The following RBM12B variants were observed in gnomAD, a reference collection of about 807,000 sequenced individuals.
The protein encoded by RBM12B is RNA binding motif protein 12B.
A neutral mutation model predicts 34.3 loss-of-function variants in RBM12B; 10 were observed. The ratio of observed to expected loss-of-function variants is 0.29; its 90% CI spans 0.18 to 0.49. The LOEUF (loss-of-function observed/expected upper bound fraction) is 0.49, where lower values mean the gene tolerates loss of function less well. Ranked by LOEUF, RBM12B falls within the 20% of genes least tolerant of loss-of-function variation. The probability of loss-of-function intolerance (pLI) is 0.99; values close to 1 mark genes in which losing one functional copy is unlikely to be tolerated. For missense variants in RBM12B, 1,139 were observed against 1,262.7 expected, an observed-to-expected ratio of 0.90 and a Z score of 1.48; for synonymous variants, 477 against 437.1, an observed-to-expected ratio of 1.09 and a Z score of -1.14.
In RBM12B at chr8:93,733,369, G is replaced by A. The variant is rs143130949; in HGVS notation, c.*36C>T. 2 of 1,488,756 alleles carry A rather than the reference G, an allele frequency of 1.3e-6. No individual in the cohort carries two copies. Among genetic ancestry groups the A allele is most frequent in the African/African-American group, 1.4e-5 (1 of 71,218 alleles). 92.2% of individuals were successfully genotyped at this position (1,488,756 alleles called of 1,614,324 possible). On this transcript the variant is annotated 3_prime_UTR_variant, in exon 4 of 4. Transcript: ENST00000520560. ...AAATGTATTTTACTCCATCAATACT[G>A]CAAGGAAGATAACTGAATTTAGAAA...
chr8:93,736,106 C>A lies in RBM12B; in HGVS notation c.305G>T (p.Gly102Val), dbSNP rs752432118. 1 of 1,614,152 alleles carries A rather than the reference C, an allele frequency of 6.2e-7. No homozygotes were observed. Among genetic ancestry groups the A allele is most frequent in the Non-Finnish European group, 8.5e-7 (1 of 1,180,014 alleles). Reference protein sequence around the residue: ...GRGRPGSGTSGVDSLSNFIES... With the variant: ...GRGRPGSGTSVVDSLSNFIES... ...AATAAAATTAGACAGGCTGTCAACC[C>A]CTGATGTCCCAGATCCTGGACGCCC... Residue 102 changes from glycine (G) to valine (V), a missense_variant, in exon 4 of 4, where the codon GGG becomes GTG. Around this residue, in one of 3 missense-constraint regions of RBM12B, gnomAD observed 216 missense variants for 292.2 expected, o/e 0.74. Transcript: ENST00000520560.
chr8:93,730,389 T>C lies in RBM12B; in HGVS notation c.*3016A>G, dbSNP rs901661788. 1 of 152,214 alleles carries C rather than the reference T, an allele frequency of 6.6e-6. No individual in the cohort carries two copies. The highest frequency in any genetic ancestry group is 2.4e-5 in the African/African-American group (1 of 41,454). 9.4% of individuals were successfully genotyped at this position (152,214 alleles called of 1,614,324 possible). On this transcript the variant is annotated 3_prime_UTR_variant, in exon 4 of 4. Coordinates refer to ENST00000520560, the MANE Select transcript of RBM12B (RefSeq NM_001377960.1). ...TGGGATTGACTTTCTAGACATGATC[T>C]ACATTTTTTTAGATAATTTCTAGAC...
chr8:93,733,775 A>C lies in RBM12B; in HGVS notation c.2636T>G (p.Phe879Cys), dbSNP rs749438737. The C allele has an allele frequency of 1.2e-6, 2 of 1,614,046 alleles. No individual in the cohort carries two copies. The highest frequency in any genetic ancestry group is 2.7e-5 in the African/African-American group (2 of 74,920). ...GEDFRSPPDD[F>C]RSHRPFVNFG... Reference sequence around the variant, plus strand: ...ATTCACAAAAGGGCGGTGACTTCTAAAATCATCAGGCGGGCTCCTAAAATC... The same window carrying C: ...ATTCACAAAAGGGCGGTGACTTCTACAATCATCAGGCGGGCTCCTAAAATC... Residue 879 changes from phenylalanine (F) to cysteine (C), a missense_variant, in exon 4 of 4, where the codon TTT (phenylalanine) becomes TGT (cysteine). Around this residue, in one of 3 missense-constraint regions of RBM12B, gnomAD observed 863 missense variants for 869.5 expected, o/e 0.99. Transcript: ENST00000520560.
chr8:93,732,778 T>C lies in RBM12B; in HGVS notation c.*627A>G, dbSNP rs1811838163. On this transcript the variant is annotated 3_prime_UTR_variant, in exon 4 of 4. Coordinates refer to ENST00000520560, the MANE Select transcript of RBM12B (RefSeq NM_001377960.1). ...TTTATACAAATACAAGTTAATTAGCTCTATTAAGTTGCAATTTTATTTTTA... is the reference window on the plus strand; with the variant it reads ...TTTATACAAATACAAGTTAATTAGCCCTATTAAGTTGCAATTTTATTTTTA... 6.6e-6 allele frequency: 1 copy of C among 152,220 alleles called. No homozygotes were observed. Among genetic ancestry groups the C allele is most frequent in the Non-Finnish European group, 1.5e-5 (1 of 68,040 alleles). The allele number at this position is 152,220 out of a possible 1,614,324, so 9.4% of individuals were successfully genotyped here.
Position 93,735,445 on chromosome 8 carries a change from A to G in RBM12B, c.966T>C (p.Asn322=). 6.2e-7 allele frequency: 1 copy of G among 1,613,358 alleles called. No individual in the cohort carries two copies. The highest frequency in any genetic ancestry group is 8.5e-7 in the Non-Finnish European group (1 of 1,179,734). The change falls in exon 4 of 4, where the codon AAT becomes AAC. Residue 322 remains asparagine (N), a synonymous_variant. Transcript: ENST00000520560. Reference sequence around the variant, plus strand: ...ACATCACAAAGGCATATCTTGTTCTATTTTCATCTTTATATAAAAACCTAA... The same window carrying G: ...ACATCACAAAGGCATATCTTGTTCTGTTTTCATCTTTATATAAAAACCTAA... ...EQIRFLYKDE[N]RTRYAFVMFK... is the part of the protein sequence containing the mutation.
chr8:93,740,191 C>G, intron 2 of RBM12B: 1 of 402,748 alleles, frequency 2.5e-6, no homozygotes, highest in Non-Finnish European at 5.0e-6. Flanking sequence ...AAATAAAAAC[C>G]AAAGGAATGA....
intron 2 of RBM12B, among the ~76,000 whole-genome samples, chr8:93,738,463 T>C (rs1254585265): frequency 6.6e-6 from 1 of 152,194 alleles, no homozygotes; most frequent in East Asian, 1.9e-4. Context: ...TACACTCACT[T>C]TCTTTGGTGG....
chr8:93,736,212 A>C lies in RBM12B; in HGVS notation c.199T>G (p.Ser67Ala). The C allele has an allele frequency of 6.2e-7, 1 of 1,614,180 alleles. No individual in the cohort carries two copies. Among genetic ancestry groups the C allele is most frequent in the Non-Finnish European group, 8.5e-7 (1 of 1,180,032 alleles). ...ISRSGGFIKD[S>A]SVELFLSSKA... The stretch of plus-strand genomic sequence containing the variant: ...CTACTAAGAAAGAGCTCTACAGATG[A>C]ATCCTTGATAAACCCTCCTGAACGA... Residue 67 changes from serine (S) to alanine (A), a missense_variant, in exon 4 of 4, where the codon TCA becomes GCA. Coordinates refer to ENST00000520560, the MANE Select transcript of RBM12B (RefSeq NM_001377960.1).
chr8:93,734,377 G>A lies in RBM12B; in HGVS notation c.2034C>T (p.Pro678=), dbSNP rs1811928737. 1.2e-6 allele frequency: 2 copies of A among 1,611,364 alleles called. No individual in the cohort carries two copies. Among genetic ancestry groups the A allele is most frequent in the South Asian group, 2.2e-5 (2 of 90,954 alleles). The change falls in exon 4 of 4, where the codon CCC becomes CCT. Residue 678 remains proline (P), a synonymous_variant. Transcript: ENST00000520560. The stretch of plus-strand genomic sequence containing the variant: ...GAGGCCGCCTAAAGTCCTCCTCTGG[G>A]GGCCGTCTCCAGTCCTCCTCAGGTG... The part of the protein sequence containing the change: ...RRPPEEDWRR[P]PEEDFRRPLQ...
rs556832074 is a variant in RBM12B at position 93,729,969 on chromosome 8, G to A, written c.*3436C>T. 6.6e-6 allele frequency: 1 copy of A among 152,264 alleles called. No homozygotes were observed. Among genetic ancestry groups the A allele is most frequent in the East Asian group, 1.9e-4 (1 of 5,184 alleles). The allele number at this position is 152,264 out of a possible 1,614,324, so 9.4% of individuals were successfully genotyped here. A position where few individuals can be genotyped will look rare whatever the true frequency, so the allele number is the denominator to read the frequency against. On this transcript the variant is annotated 3_prime_UTR_variant, in exon 4 of 4. Transcript: ENST00000520560. ...ACTTTGGATTTCTTCAGATTTTGGA[G>A]TATTTGCATTATACCAGTTCAACAT...
intron 3 of RBM12B, among the ~76,000 whole-genome samples, chr8:93,737,042 A>G (rs1812042853): frequency 6.6e-6 from 1 of 152,176 alleles, no homozygotes; most frequent in Non-Finnish European, 1.5e-5. Flanking sequence ...CCCGTCTCTA[A>G]AAAGAAAAAA....
chr8:93,734,354 G>A lies in RBM12B; in HGVS notation c.2057C>T (p.Pro686Leu), dbSNP rs1445416369. Reference protein sequence around the residue: ...RRPPEEDFRRPLQGEWRRPPE... With the variant: ...RRPPEEDFRRLLQGEWRRPPE... ...TGGTCGCCTCCATTCTCCCTGAAGA[G>A]GCCGCCTAAAGTCCTCCTCTGGGGG... The change falls in exon 4 of 4, where the codon CCT becomes CTT. Residue 686 changes from proline (P) to leucine (L), a missense_variant. Pro to Leu is a moderately conservative substitution (Grantham distance 98). Around this residue, in one of 3 missense-constraint regions of RBM12B, gnomAD observed 863 missense variants for 869.5 expected, o/e 0.99. Transcript: ENST00000520560. 2 of 1,612,810 alleles carry A rather than the reference G, an allele frequency of 1.2e-6. No individual in the cohort carries two copies. The highest frequency in any genetic ancestry group is 1.1e-5 in the South Asian group (1 of 91,004).
At position 93,735,346 on chromosome 8, in the gene RBM12B, A is replaced by G. The variant is rs199777774; in HGVS notation, c.1065T>C (p.Ile355=). ...GCATTTGTTTTCTAGAAATTGGATC[A>G]ATATGAACTGGACGATATTGTAAAA... is the stretch of plus-strand genomic sequence containing the variant. ...KTVLQYRPVH[I]DPISRKQMLK... The change falls in exon 4 of 4, where the codon ATT becomes ATC. Residue 355 remains isoleucine, a synonymous_variant. Transcript: ENST00000520560. The G allele has an allele frequency of 5.3e-5, 85 of 1,614,044 alleles. No individual in the cohort carries two copies. The East Asian group carries it at 1.9e-3, about 36-fold the overall frequency.
chr8:93,740,185 A>G, intron 2 of RBM12B: 1 of 392,722 alleles, frequency 2.5e-6, no homozygotes, highest in Non-Finnish European at 5.0e-6. Context: ...TGTTTAAAAT[A>G]AAAACCAAAG....
In RBM12B at chr8:93,733,885, GTCC is replaced by G. The variant is rs771490609; in HGVS notation, c.2523_2525del (p.Glu841del). 6.2e-7 allele frequency: 1 copy of G among 1,613,896 alleles called. No homozygotes were observed. Among genetic ancestry groups the G allele is most frequent in the Non-Finnish European group, 8.5e-7 (1 of 1,179,958 alleles). Reference sequence around the variant, plus strand: ...GGTCTTCCTCTGGGAGCTGCCTGAAGTCCTCATCAGAAGGGCATCTAAAATCTT... The same window carrying G: ...GGTCTTCCTCTGGGAGCTGCCTGAAGTCATCAGAAGGGCATCTAAAATCTT... On this transcript the variant is annotated inframe_deletion, in exon 4 of 4. Coordinates refer to ENST00000520560, the MANE Select transcript of RBM12B (RefSeq NM_001377960.1).
chr8:93,734,984 G>T lies in RBM12B; in HGVS notation c.1427C>A (p.Ser476Tyr). 1 of 1,614,120 alleles carries T rather than the reference G, an allele frequency of 6.2e-7. No individual in the cohort carries two copies. Among genetic ancestry groups the T allele is most frequent in the Non-Finnish European group, 8.5e-7 (1 of 1,180,020 alleles). Residue 476 changes from serine (S) to tyrosine (Y), a missense_variant, in exon 4 of 4, where the codon TCT (serine) becomes TAT (tyrosine). Ser to Tyr is a moderately radical substitution (Grantham distance 144, BLOSUM62 -2). Around this residue, in one of 3 missense-constraint regions of RBM12B, gnomAD observed 863 missense variants for 869.5 expected, o/e 0.99. Transcript: ENST00000520560. ...ACCAAACTCCTGTATTTGTGCCTCA[G>T]ATATAAGTCTTAATAACACCTCTGT... ...LGTEVLLRLI[S>Y]EAQIQEFGVN...
chr8:93,737,593 C>A (rs182215177), intron 2 of RBM12B, among the ~76,000 whole-genome samples: 1 of 151,862 alleles, frequency 6.6e-6, no homozygotes, highest in African/African-American at 2.4e-5. Flanking sequence ...TTGAAACTTG[C>A]CGAAAATTTA....
At position 93,740,702 on chromosome 8, in the gene RBM12B, G is replaced by C; in HGVS notation, c.-145-6C>G. The C allele has an allele frequency of 2.8e-6, 1 of 359,668 alleles. No individual in the cohort carries two copies. The highest frequency in any genetic ancestry group is 5.4e-6 in the Non-Finnish European group (1 of 183,692). 22.3% of individuals were successfully genotyped at this position (359,668 alleles called of 1,614,324 possible). A position where few individuals can be genotyped will look rare whatever the true frequency, so the allele number is the denominator to read the frequency against. ...CATACACCACCACATGGAAGCTGAC[G>C]GGAAAGGAAGAGTCGGTGTTTTAGC... On this transcript the variant is annotated splice_polypyrimidine_tract_variant and splice_region_variant and intron_variant, in intron 1 of 3. Coordinates refer to ENST00000520560, the MANE Select transcript of RBM12B (RefSeq NM_001377960.1).
Position 93,733,783 on chromosome 8 carries a change from A to G in RBM12B, c.2628T>C (p.Pro876=). ...AAGGGCGGTGACTTCTAAAATCATC[A>G]GGCGGGCTCCTAAAATCCTCACCAG... The part of the protein sequence containing the change: ...RPPGEDFRSP[P]DDFRSHRPFV... The change falls in exon 4 of 4, where the codon CCT becomes CCC. Residue 876 remains proline (P), a synonymous_variant. Coordinates refer to ENST00000520560, the MANE Select transcript of RBM12B (RefSeq NM_001377960.1). The G allele has an allele frequency of 1.2e-6, 2 of 1,614,186 alleles. No individual in the cohort carries two copies. The highest frequency in any genetic ancestry group is 3.3e-4 in the Middle Eastern group (2 of 6,062).
Sources: gnomAD v4.1 joint callset for allele counts (sites outside exome capture counted in the v4.1 genomes callset) on GRCh38, gnomAD v4.1.1 for gene constraint, gnomAD v4.1.1 regional missense constraint, MANE v1.5 for transcripts, NCBI Gene and HGNC (gene_info 2026-07-23, HGNC 2026-07-21) for gene names.